The following ZNF552 variants were observed in gnomAD, a reference collection of about 807,000 sequenced individuals.
ZNF552 encodes zinc finger protein 552.
A neutral mutation model predicts 7.2 loss-of-function variants in ZNF552; 2 were observed. That is an observed-to-expected ratio of 0.28 (90% CI 0.11 to 0.88). The LOEUF (loss-of-function observed/expected upper bound fraction) is 0.88. Among genes scored for constraint, ZNF552 ranks in the 40% least tolerant of loss-of-function variants. The pLI, the probability that ZNF552 is intolerant of heterozygous loss-of-function variation, is 0.60. For synonymous variants in ZNF552, 173 were observed against 176.5 expected (o/e 0.98, Z 0.16); for missense variants, 421 against 493.4 (o/e 0.85, Z 1.39).
intron 1 of ZNF552, 199 bp downstream of exon 1, chr19:57,814,512 T>C (rs1172852414): frequency 2.0e-6 from 3 of 1,536,608 alleles, no homozygotes; most frequent in Non-Finnish European, 2.6e-6. Context: ...TCCAGGCCAT[T>C]GCCCGCGCCC....
chr19:57,811,873 AC>A (rs1201148958), intron 2 of ZNF552, among the ~76,000 whole-genome samples: 1 of 151,148 alleles, frequency 6.6e-6, no homozygotes, highest in Admixed American at 6.6e-5. Context: ...TACTAAAAAT[AC>A]AAAACATAGC....
chr19:57,808,008 T>C lies in ZNF552; in HGVS notation c.*32A>G. 5.1e-6 allele frequency: 8 copies of C among 1,559,506 alleles called. No homozygotes were observed. The highest frequency in any genetic ancestry group is 6.9e-6 in the Non-Finnish European group (8 of 1,154,280). ...CAGGATCTTACTCAGGTGTGTATTC[T>C]CCAATATTTAATGAGACTGGACTCA... On this transcript the variant is annotated 3_prime_UTR_variant, in exon 3 of 3. Coordinates refer to ENST00000391701, the MANE Select transcript of ZNF552 (RefSeq NM_024762.3).
chr19:57,807,943 C>G lies in ZNF552; in HGVS notation c.*97G>C. The G allele has an allele frequency of 7.1e-7, 1 of 1,415,992 alleles. No individual in the cohort carries two copies. Among genetic ancestry groups the G allele is most frequent in the Non-Finnish European group, 9.6e-7 (1 of 1,044,946 alleles). 87.7% of individuals were successfully genotyped at this position (1,415,992 alleles called of 1,614,324 possible). A position where few individuals can be genotyped will look rare whatever the true frequency, so the allele number is the denominator to read the frequency against. ...TGAACTCTCCAATATCCAAGGAGAG[C>G]AGACCTTTGGGTAAACATTTTCCAC... On this transcript the variant is annotated 3_prime_UTR_variant, in exon 3 of 3. Coordinates refer to ENST00000391701, the MANE Select transcript of ZNF552 (RefSeq NM_024762.3).
At position 57,808,385 on chromosome 19, in the gene ZNF552, C is replaced by T; in HGVS notation, c.879G>A (p.Glu293=). ...GACAAACCTCACACTCATATGGCTT[C>T]TCTCCAGTGTGAATTCTCTGGTGTA... is the stretch of plus-strand genomic sequence containing the variant. The part of the protein sequence containing the change: ...LLVHQRIHTG[E]KPYECEVCQK... Residue 293 remains glutamate, a synonymous_variant, in exon 3 of 3, where the codon GAG becomes GAA. Coordinates refer to ENST00000391701, the MANE Select transcript of ZNF552 (RefSeq NM_024762.3). 2 of 1,613,462 alleles carry T rather than the reference C, an allele frequency of 1.2e-6. 1 individual carries two copies. The highest frequency in any genetic ancestry group is 2.2e-5 in the South Asian group (2 of 90,994).
chr19:57,807,989 C>T lies in ZNF552; in HGVS notation c.*51G>A. 3.9e-6 allele frequency: 6 copies of T among 1,527,822 alleles called. No individual in the cohort carries two copies. Among genetic ancestry groups the T allele is most frequent in the African/African-American group, 1.4e-5 (1 of 72,124 alleles). 94.6% of individuals were successfully genotyped at this position (1,527,822 alleles called of 1,614,324 possible). Reference sequence around the variant, plus strand: ...TCCACATTTGCTGCAATCACAGGATCTTACTCAGGTGTGTATTCTCCAATA... The same window carrying T: ...TCCACATTTGCTGCAATCACAGGATTTTACTCAGGTGTGTATTCTCCAATA... On this transcript the variant is annotated 3_prime_UTR_variant, in exon 3 of 3. Coordinates refer to ENST00000391701, the MANE Select transcript of ZNF552 (RefSeq NM_024762.3).
chr19:57,814,371 T>C (rs1296342250), intron 1 of ZNF552: 1 of 758,028 alleles, frequency 1.3e-6, no homozygotes, highest in African/African-American at 1.8e-5. Context: ...GAAATTCTCC[T>C]ATTTCTAGTG....
intron 2 of ZNF552, among the ~76,000 whole-genome samples, chr19:57,809,531 A>C (rs1987813902): frequency 6.6e-6 from 1 of 152,128 alleles, no homozygotes; most frequent in Non-Finnish European, 1.5e-5. Context: ...TAATACTGGA[A>C]ACCACTGCAG....
chr19:57,814,604 G>T (rs1271360912), intron 1 of ZNF552, 107 bp downstream of exon 1: 1 of 1,594,092 alleles, frequency 6.3e-7, no homozygotes, highest in East Asian at 2.3e-5. Flanking sequence ...TCAGTGTCCC[G>T]ACGCCGGGTC....
chr19:57,808,596 G>A lies in ZNF552; in HGVS notation c.668C>T (p.Thr223Ile). ...CTCGTGCTGACTGAGTATATCTTTG[G>A]TGCTAAAATGTTTCATGCATCCTCC... is the stretch of plus-strand genomic sequence containing the variant. ...SCGGCMKHFS[T>I]KDILSQHERL... Residue 223 changes from threonine (T) to isoleucine (I), a missense_variant, in exon 3 of 3, where the codon ACC becomes ATC. Thr to Ile is a moderately conservative substitution (Grantham distance 89). This residue lies in a region of ZNF552 where 299 missense variants were observed against 293.7 expected (regional missense o/e 1.02). Coordinates refer to ENST00000391701, the MANE Select transcript of ZNF552 (RefSeq NM_024762.3). The A allele has an allele frequency of 6.2e-7, 1 of 1,614,136 alleles. No individual in the cohort carries two copies. Among genetic ancestry groups the A allele is most frequent in the Admixed American group, 1.7e-5 (1 of 60,004 alleles).
At position 57,809,143 on chromosome 19, in the gene ZNF552, T is replaced by G. The variant is rs2001798; in HGVS notation, c.161-40A>C. ...ATGCTGGTGAAGTGCATGTTAACTCTGGTGGGAAGGCACAGACCACCCACA... is the reference window on the plus strand; with the variant it reads ...ATGCTGGTGAAGTGCATGTTAACTCGGGTGGGAAGGCACAGACCACCCACA... On this transcript the variant is annotated intron_variant, in intron 2 of 2. Transcript: ENST00000391701. The G allele has an allele frequency of 6.4e-3, 10,049 of 1,558,268 alleles. 469 individuals carry two copies. In the African/African-American group the frequency reaches 0.12, roughly 18 times the overall value.
chr19:57,809,722 T>C (rs1987818615), intron 2 of ZNF552, among the ~76,000 whole-genome samples: 1 of 151,348 alleles, frequency 6.6e-6, no homozygotes, highest in African/African-American at 2.4e-5. Flanking sequence ...AAGAGGCCAG[T>C]ACCAGTGGCT....
Position 57,807,688 on chromosome 19 carries a change from C to G in ZNF552, c.*352G>C, listed in dbSNP as rs746267438. 7 of 222,382 alleles carry G rather than the reference C, an allele frequency of 3.1e-5. No individual in the cohort carries two copies. Among genetic ancestry groups the G allele is most frequent in the African/African-American group, 1.4e-4 (6 of 43,752 alleles). The allele number at this position is 222,382 out of a possible 1,614,324, so 13.8% of individuals were successfully genotyped here. ...AGACTGGACTGCAGTGTTGCAATCT[C>G]GGCTCACTGCAACCTCTGCCTCCCA... On this transcript the variant is annotated 3_prime_UTR_variant, in exon 3 of 3. Coordinates refer to ENST00000391701, the MANE Select transcript of ZNF552 (RefSeq NM_024762.3).
intron 1 of ZNF552, among the ~76,000 whole-genome samples, chr19:57,813,626 A>G (rs1600092269): frequency 6.6e-6 from 1 of 151,532 alleles, no homozygotes; most frequent in Non-Finnish European, 1.5e-5. Context: ...GTGATATAAG[A>G]GTCCACCCCC....
At chr19:57,810,034 G>A (rs1195196583) in intron 2 of ZNF552, among the ~76,000 whole-genome samples, 1 of 152,134 alleles carries the variant, frequency 6.6e-6, no homozygotes, top group African/African-American at 2.4e-5. Context: ...TTGAGCCCAG[G>A]AGGTTGAGGC....
chr19:57,809,587 G>A (rs1987815496), intron 2 of ZNF552, among the ~76,000 whole-genome samples: 2 of 150,602 alleles, frequency 1.3e-5, no homozygotes, highest in Non-Finnish European at 2.9e-5. Context: ...GAGATGTGAA[G>A]ATTATTCAGG....
chr19:57,814,588 A>G (rs765208572), intron 1 of ZNF552, 123 bp downstream of exon 1: 2 of 1,577,040 alleles, frequency 1.3e-6, no homozygotes, highest in South Asian at 2.3e-5. Flanking sequence ...CCCTCCCGAG[A>G]GCGCCTCAGT....
chr19:57,814,477 T>C (rs1286996210), intron 1 of ZNF552: 1 of 1,529,156 alleles, frequency 6.5e-7, no homozygotes, highest in Non-Finnish European at 8.8e-7. Context: ...GGACCCCAGG[T>C]TCCATCCTCC....
At chr19:57,811,500 CT>C (rs1480329396) in intron 2 of ZNF552, among the ~76,000 whole-genome samples, 1 of 151,994 alleles carries the variant, frequency 6.6e-6, no homozygotes, top group Non-Finnish European at 1.5e-5. Flanking sequence ...GTGTCTCTTT[CT>C]TTTCTCAAGT....
At chr19:57,811,444 G>T (rs1416818838) in intron 2 of ZNF552, among the ~76,000 whole-genome samples, 12 of 152,068 alleles carry the variant, frequency 7.9e-5, no homozygotes, top group Admixed American at 6.6e-4. Context: ...TTACAAGCAT[G>T]AGCCACCGCA....
Sources: allele counts gnomAD v4.1 joint callset (sites outside exome capture counted in the v4.1 genomes callset), GRCh38; gene constraint gnomAD v4.1.1; regional missense constraint gnomAD v4.1.1; transcripts MANE v1.5; gene names NCBI Gene and HGNC (gene_info 2026-07-23, HGNC 2026-07-21).